Variants in BRINP2 observed in about 807,000 individuals in gnomAD.
BRINP2 encodes the protein BMP/retinoic acid inducible neural specific 2.
In BRINP2, 21 loss-of-function variants were observed where a neutral mutation model predicts 69.2. The observed-to-expected ratio is 0.30, with a 90% CI of 0.22 to 0.44. BRINP2 has a LOEUF of 0.44. Among genes scored for constraint, BRINP2 ranks in the 20% least tolerant of loss-of-function variants. The probability of loss-of-function intolerance (pLI) is 1.00; values close to 1 mark genes in which losing one functional copy is unlikely to be tolerated. For missense variants in BRINP2, 877 were observed against 986.0 expected, an observed-to-expected ratio of 0.89 and a Z score of 1.48; for synonymous variants, 380 against 394.1, an observed-to-expected ratio of 0.96 and a Z score of 0.42.
At chr1:177,231,540 G>A (rs1225216578) in intron 2 of BRINP2, among the ~76,000 whole-genome samples, 2 of 152,254 alleles carry the variant, frequency 1.3e-5, no homozygotes, top group African/African-American at 4.8e-5. Context: ...ACACTTGGGT[G>A]CAGACAAAGG....
At chr1:177,272,383 C>T (rs576737739) in intron 4 of BRINP2, among the ~76,000 whole-genome samples, 1 of 152,344 alleles carries the variant, frequency 6.6e-6, no homozygotes, top group East Asian at 1.9e-4. Flanking sequence ...CCCTGAAAAG[C>T]CTGGAATGTA....
chr1:177,281,077 G>T lies in BRINP2; in HGVS notation c.1901G>T (p.Arg634Met). 6.2e-7 allele frequency: 1 copy of T among 1,614,242 alleles called. No individual in the cohort carries two copies. The highest frequency in any genetic ancestry group is 8.5e-7 in the Non-Finnish European group (1 of 1,180,048). ...CQNWTITLGN[R>M]WKTFFETVHV... is the part of the protein sequence containing the mutation. ...AACTGGACTATCACCTTGGGGAATA[G>T]GTGGAAGACTTTCTTTGAGACAGTT... Residue 634 changes from arginine (R) to methionine (M), a missense_variant, in exon 8 of 8, where the codon AGG becomes ATG. By Grantham distance (91) the Arg-to-Met change is moderately conservative (BLOSUM62 -1). Around this residue, in one of 3 missense-constraint regions of BRINP2, gnomAD observed 225 missense variants for 218.7 expected, o/e 1.03. Transcript: ENST00000361539.
chr1:177,270,550 TG>T (rs35298427), intron 4 of BRINP2, among the ~76,000 whole-genome samples: 1 of 142,070 alleles, frequency 7.0e-6, no homozygotes, highest in East Asian at 2.1e-4. Context: ...GAGGGAGAAG[TG>T]GGGGGAAAGG....
intron 3 of BRINP2, 185 bp downstream of exon 3, chr1:177,256,294 TTTAA>T (rs1488579893): frequency 2.0e-5 from 20 of 982,206 alleles, no homozygotes; most frequent in Admixed American, 6.1e-5. Flanking sequence ...AACATCTCTA[TTTAA>T]TTATTCCCTG....
chr1:177,281,681 C>T lies in BRINP2; in HGVS notation c.*153C>T, dbSNP rs758018791. 18 of 1,016,128 alleles carry T rather than the reference C, an allele frequency of 1.8e-5. No homozygotes were observed. Among genetic ancestry groups the T allele is most frequent in the Admixed American group, 5.3e-5 (2 of 37,580 alleles). The allele number at this position is 1,016,128 out of a possible 1,614,324, so 62.9% of individuals were successfully genotyped here. ...ACCTCGAGGCTCGAGCTGAAGCAGG[C>T]GAGAGAGAAACAGCTACTGCGTGCG... is the stretch of plus-strand genomic sequence containing the variant. On this transcript the variant is annotated 3_prime_UTR_variant, in exon 8 of 8. Coordinates refer to ENST00000361539, the MANE Select transcript of BRINP2 (RefSeq NM_021165.4).
chr1:177,229,845 G>C lies in BRINP2; in HGVS notation c.-32G>C, dbSNP rs1302097590. 6.4e-6 allele frequency: 10 copies of C among 1,550,794 alleles called. No homozygotes were observed. Among genetic ancestry groups the C allele is most frequent in the African/African-American group, 1.4e-5 (1 of 73,548 alleles). ...AGCACGGAGCGGGAGAGCGTGGCGA[G>C]AGAATGAAGAAACCAATCGCCCGGG... On this transcript the variant is annotated 5_prime_UTR_variant, in exon 2 of 8. Transcript: ENST00000361539.
intron 1 of BRINP2, among the ~76,000 whole-genome samples, chr1:177,223,121 G>T (rs67549513): frequency 0.39 from 59,329 of 151,926 alleles, 11,918 homozygotes; most frequent in East Asian, 0.55. Context: ...TGGCTTTATC[G>T]CTCAGGGCTC....
intron 4 of BRINP2, among the ~76,000 whole-genome samples, chr1:177,257,845 G>A (rs1650819808): frequency 1.3e-5 from 2 of 152,194 alleles, no homozygotes; most frequent in African/African-American, 4.8e-5. Flanking sequence ...GGAGAAGTGA[G>A]CGGAAAGTGT....
In BRINP2 at chr1:177,278,627, C is replaced by A; in HGVS notation, c.1077C>A (p.Ser359=). 1 of 1,614,196 alleles carries A rather than the reference C, an allele frequency of 6.2e-7. No homozygotes were observed. The highest frequency in any genetic ancestry group is 8.5e-7 in the Non-Finnish European group (1 of 1,180,040). Residue 359 remains serine (S), a synonymous_variant, in exon 7 of 8, where the codon TCC becomes TCA. Transcript: ENST00000361539. Reference sequence around the variant, plus strand: ...GGTTCCTGAACTCCACAGCTATCTCCCAGTTCTGGGCCATGGACACCAGCC... The same window carrying A: ...GGTTCCTGAACTCCACAGCTATCTCACAGTTCTGGGCCATGGACACCAGCC... ...DDRFLNSTAI[S]QFWAMDTSLQ... is the part of the protein sequence containing the mutation.
chr1:177,259,545 C>G (rs923658826), intron 4 of BRINP2, among the ~76,000 whole-genome samples: 3 of 152,204 alleles, frequency 2.0e-5, no homozygotes, highest in African/African-American at 7.2e-5. Flanking sequence ...TGAGGACTTT[C>G]ATAGCTAAGG....
At chr1:177,223,327 T>C (rs1382113089) in intron 1 of BRINP2, among the ~76,000 whole-genome samples, 1 of 152,146 alleles carries the variant, frequency 6.6e-6, no homozygotes, top group African/African-American at 2.4e-5. Flanking sequence ...AAGCTGTACA[T>C]GTGTGTGAGT....
intron 2 of BRINP2, among the ~76,000 whole-genome samples, chr1:177,232,783 GAA>G (rs11325642): frequency 6.9e-5 from 10 of 145,708 alleles, no homozygotes; most frequent in South Asian, 2.2e-4. Context: ...GTAGAAAGAG[GAA>G]AAAAAAAAAC....
At chr1:177,235,336 C>T (rs1010695972) in intron 2 of BRINP2, among the ~76,000 whole-genome samples, 84 of 152,194 alleles carry the variant, frequency 5.5e-4, no homozygotes, top group African/African-American at 2.0e-3. Flanking sequence ...GGAAAGACAG[C>T]ATCCCCCATG....
rs1211435985 is a variant in BRINP2, at chr1:177,182,651, GA to G, written c.-77+10920del. On this transcript the variant is annotated intron_variant, in intron 1 of 7. Transcript: ENST00000361539. ...GCAATATCATGTCTTTAGAAGTTTCGATGGTTTTTTTTTGCTCTCGTATGTG... is the reference window on the plus strand; with the variant it reads ...GCAATATCATGTCTTTAGAAGTTTCGTGGTTTTTTTTTGCTCTCGTATGTG... Among the ~76,000 whole-genome samples, 6 of 152,250 alleles carry G rather than the reference GA, an allele frequency of 3.9e-5. No homozygotes were observed. In the East Asian group the frequency reaches 9.7e-4, roughly 25 times the overall value.
chr1:177,255,944 A>T lies in BRINP2; in HGVS notation c.295A>T (p.Asn99Tyr), dbSNP rs760351197. 4.3e-5 allele frequency: 70 copies of T among 1,614,074 alleles called. No homozygotes were observed. Among genetic ancestry groups the T allele is most frequent in the Non-Finnish European group, 5.8e-5 (69 of 1,180,028 alleles). The change falls in exon 3 of 8, where the codon AAC (asparagine) becomes TAC (tyrosine). Residue 99 changes from asparagine (N) to tyrosine (Y), a missense_variant. Physicochemically the swap from Asn to Tyr is moderately radical, Grantham distance 143. Transcript: ENST00000361539. ...YREFARWKVN[N>Y]LALERKDFFS... The stretch of plus-strand genomic sequence containing the variant: ...GGAGTTTGCCCGTTGGAAGGTGAAC[A>T]ACTTGGCTCTGGAAAGGAAGGACTT...
chr1:177,212,648 T>G (rs1194961510), intron 1 of BRINP2, among the ~76,000 whole-genome samples: 1 of 152,130 alleles, frequency 6.6e-6, no homozygotes, highest in Non-Finnish European at 1.5e-5. Flanking sequence ...TCCTATCAAG[T>G]CAGTAGCTTG....
intron 1 of BRINP2, among the ~76,000 whole-genome samples, chr1:177,193,679 G>A: frequency 6.6e-6 from 1 of 152,322 alleles, no homozygotes; most frequent in Admixed American, 6.5e-5. Flanking sequence ...CGTTCCTCAG[G>A]TAGAATTTAA....
intron 2 of BRINP2, among the ~76,000 whole-genome samples, chr1:177,234,375 A>G (rs1649952327): frequency 6.6e-6 from 1 of 152,224 alleles, no homozygotes; most frequent in African/African-American, 2.4e-5. Context: ...GTGCATCTTC[A>G]TCATAACACG....
At chr1:177,246,142 G>C (rs915584546) in intron 2 of BRINP2, among the ~76,000 whole-genome samples, 1 of 152,206 alleles carries the variant, frequency 6.6e-6, no homozygotes, top group African/African-American at 2.4e-5. Flanking sequence ...AATTGCAAGG[G>C]CTGAGATATT....
Sources: allele counts gnomAD v4.1 joint callset (sites outside exome capture counted in the v4.1 genomes callset), GRCh38; gene constraint gnomAD v4.1.1; regional missense constraint gnomAD v4.1.1; transcripts MANE v1.5; gene names NCBI Gene and HGNC (gene_info 2026-07-23, HGNC 2026-07-21).